FGF13: variants seen among roughly 807,000 people sequenced by gnomAD.
The protein encoded by FGF13 is fibroblast growth factor homologous factor 2.
A neutral mutation model predicts 19.5 loss-of-function variants in FGF13; 2 were observed. The observed-to-expected ratio is 0.10, with a 90% CI of 0.04 to 0.32. The LOEUF is 0.32. Among genes scored for constraint, FGF13 ranks in the 10% least tolerant of loss-of-function variants. The pLI is 1.00. For synonymous variants in FGF13, 72 were observed against 76.9 expected, an observed-to-expected ratio of 0.94 and a Z score of 0.33; for missense variants, 113 against 192.7, an observed-to-expected ratio of 0.59 and a Z score of 2.45.
chrX:139,131,603 G>A (rs867581865), intron 1 of FGF13, among the ~76,000 whole-genome samples: 27 of 110,914 alleles, frequency 2.4e-4, no homozygotes, highest in African/African-American at 8.2e-4. Flanking sequence ...TGAGCATGGT[G>A]GCATATGCCT....
At chrX:138,823,417 A>AGGATAAACACACTCTCTCACTTCAC (rs2091013203) in intron 3 of FGF13, among the ~76,000 whole-genome samples, 1 of 111,264 alleles carries the variant, frequency 9.0e-6, no homozygotes, top group Admixed American at 9.5e-5. Context: ...GCCCGCTGGC[A>AGGATAAACACACTCTCTCACTTCAC]GGATAAACAC....
In FGF13 at chrX:138,616,993, A is replaced by G. The variant is rs1480536088; in HGVS notation, c.*15857T>C. The G allele has an allele frequency of 9.0e-6, 1 of 111,056 alleles. No individual in the cohort carries two copies. Among genetic ancestry groups the G allele is most frequent in the Non-Finnish European group, 1.9e-5 (1 of 52,965 alleles). 9.2% of individuals were successfully genotyped at this position (111,056 alleles called of 1,213,427 possible). On this transcript the variant is annotated 3_prime_UTR_variant, in exon 5 of 5. Coordinates refer to ENST00000315930, the MANE Select transcript of FGF13 (RefSeq NM_004114.5). ...TGCCTGAGGCCTGGCCCACTAAACC[A>G]TTTTTTTCCTTCAAGGCCTCCTGGC... is the stretch of plus-strand genomic sequence containing the variant.
intron 1 of FGF13, among the ~76,000 whole-genome samples, chrX:138,959,072 T>G (rs1470835503): frequency 8.9e-6 from 1 of 111,872 alleles, no homozygotes; most frequent in African/African-American, 3.3e-5. Context: ...AGCTTTTAAA[T>G]GTGTTTGCTC....
At chrX:139,068,713 G>A (rs1191709933) in intron 1 of FGF13, among the ~76,000 whole-genome samples, 1 of 108,832 alleles carries the variant, frequency 9.2e-6, no homozygotes, top group Non-Finnish European at 1.9e-5. Flanking sequence ...TCCCTTGTAA[G>A]TTGGATTCCT....
intron 3 of FGF13, among the ~76,000 whole-genome samples, chrX:138,783,543 A>G: frequency 1.0e-5 from 1 of 97,658 alleles, no homozygotes; most frequent in African/African-American, 3.6e-5. Flanking sequence ...ACATTTATGC[A>G]GCCAAAAGAC....
At chrX:138,888,561 C>A (rs763386670) in intron 1 of FGF13, among the ~76,000 whole-genome samples, 1 of 110,375 alleles carries the variant, frequency 9.1e-6, no homozygotes, top group Non-Finnish European at 1.9e-5. Flanking sequence ...TGACATTTAG[C>A]ACTCCTTTTG....
chrX:138,944,894 A>AT (rs2091775044), intron 1 of FGF13, among the ~76,000 whole-genome samples: 1 of 111,631 alleles, frequency 9.0e-6, no homozygotes, highest in African/African-American at 3.3e-5. Flanking sequence ...AATTTGAATA[A>AT]TAAGCTACCC....
In FGF13 at chrX:138,928,551, G is replaced by A. The variant is rs2091685291; in HGVS notation, c.-112-63901C>T. On this transcript the variant is annotated intron_variant, in intron 1 of 2. Transcript: ENST00000421460. The stretch of plus-strand genomic sequence containing the variant: ...CAGAAAGAAAAAGACCCCACCCAGG[G>A]GTGCCCTCACATCCCAGGAATCTCC... Among the ~76,000 whole-genome samples, 3 of 110,527 alleles carry A rather than the reference G, an allele frequency of 2.7e-5. No individual in the cohort carries two copies. The Admixed American group carries it at 2.9e-4, about 11-fold the overall frequency.
intron 1 of FGF13, among the ~76,000 whole-genome samples, chrX:139,043,709 C>T (rs778850061): frequency 7.2e-5 from 8 of 111,631 alleles, no homozygotes; most frequent in Non-Finnish European, 1.5e-4. Flanking sequence ...AAAGTGGAAA[C>T]GGCCTAAATG....
intron 1 of FGF13, among the ~76,000 whole-genome samples, chrX:138,891,016 G>C (rs1045806711): frequency 8.9e-6 from 1 of 112,332 alleles, no homozygotes; most frequent in African/African-American, 3.2e-5. Flanking sequence ...TTGTGGCCGG[G>C]AGCGGTGGCT....
chrX:138,919,413 T>C (rs2091633611), intron 1 of FGF13, among the ~76,000 whole-genome samples: 1 of 111,974 alleles, frequency 8.9e-6, no homozygotes, highest in Non-Finnish European at 1.9e-5. Flanking sequence ...AAAAATAGTT[T>C]GGCAGTGCCT....
chrX:139,062,682 A>G (rs1235061054), intron 1 of FGF13, among the ~76,000 whole-genome samples: 2 of 112,021 alleles, frequency 1.8e-5, no homozygotes, highest in Non-Finnish European at 3.8e-5. Flanking sequence ...CATGAACACT[A>G]GGTATCTTTC....
rs886174311 is a variant in FGF13 at position 138,654,570 on chromosome X, G to A, written c.403-18915C>T. 1.3e-4 allele frequency among the ~76,000 whole-genome samples: 14 copies of A among 110,868 alleles called. No homozygotes were observed. In the East Asian group the frequency reaches 2.0e-3, roughly 16 times the overall value. The stretch of plus-strand genomic sequence containing the variant: ...AGCCTGGTTAACATAGTAAAACCCC[G>A]TCTCTACTAAAAATACAGAAATCAT... On this transcript the variant is annotated intron_variant, in intron 3 of 4. Coordinates refer to ENST00000315930, the MANE Select transcript of FGF13 (RefSeq NM_004114.5).
chrX:138,751,223 C>T (rs1311504881), intron 3 of FGF13, among the ~76,000 whole-genome samples: 2 of 111,328 alleles, frequency 1.8e-5, no homozygotes, highest in African/African-American at 6.6e-5. Context: ...TTTCCCTGCA[C>T]CCTCTATTGC....
intron 3 of FGF13, among the ~76,000 whole-genome samples, chrX:138,798,243 C>A (rs1340382693): frequency 9.0e-6 from 1 of 111,383 alleles, no homozygotes; most frequent in Non-Finnish European, 1.9e-5. Flanking sequence ...TCCATAAATA[C>A]CCAGTTTTTT....
chrX:139,166,279 T>C (rs927560603), intron 1 of FGF13, among the ~76,000 whole-genome samples: 1 of 111,348 alleles, frequency 9.0e-6, no homozygotes, highest in African/African-American at 3.3e-5. Flanking sequence ...CAGGATCTGA[T>C]TGTTTTATAA....
chrX:138,635,763 C>T (rs183218459), intron 3 of FGF13, 108 bp from the exon 4 acceptor site: 29 of 540,410 alleles, frequency 5.4e-5, no homozygotes, highest in African/African-American at 4.4e-4. Flanking sequence ...TGTAAAAGCT[C>T]GTGTGACTGG....
intron 3 of FGF13, among the ~76,000 whole-genome samples, chrX:138,795,985 A>T (rs1051297233): frequency 8.9e-6 from 1 of 111,941 alleles, no homozygotes; most frequent in Non-Finnish European, 1.9e-5. Flanking sequence ...TGTTCTAACC[A>T]TCAAATCCAA....
chrX:138,639,876 C>T (rs2089230183), intron 3 of FGF13, among the ~76,000 whole-genome samples: 1 of 109,998 alleles, frequency 9.1e-6, no homozygotes, highest in Admixed American at 9.7e-5. Context: ...ACCTGTAGTC[C>T]CAGCTACTCA....
Sources: allele counts gnomAD v4.1 joint callset (sites outside exome capture counted in the v4.1 genomes callset), GRCh38; gene constraint gnomAD v4.1.1; transcripts MANE v1.5; gene names NCBI Gene and HGNC (gene_info 2026-07-23, HGNC 2026-07-21).